Variants in RAB38 observed in about 807,000 individuals in gnomAD.
RAB38 encodes RAB38, member RAS oncogene family.
RAB38 carries 15 observed loss-of-function variants against 18.4 expected under a neutral mutation model. That is an observed-to-expected ratio of 0.82 (90% CI 0.55 to 1.26). The LOEUF (loss-of-function observed/expected upper bound fraction) is 1.26, where lower values mean the gene tolerates loss of function less well. Among genes scored for constraint, RAB38 ranks in the 50% most tolerant of loss-of-function variants. RAB38 has a pLI of 0.00. For synonymous variants in RAB38, 101 were observed against 104.4 expected, an observed-to-expected ratio of 0.97 and a Z score of 0.20; for missense variants, 294 against 267.4, an observed-to-expected ratio of 1.10 and a Z score of -0.69.
chr11:87,864,298 A>G, the RAB38 span, among the ~76,000 whole-genome samples: 2 of 150,548 alleles, frequency 1.3e-5, no homozygotes, highest in African/African-American at 4.9e-5. Flanking sequence ...ATACTATACT[A>G]TGCTGTACTA....
At chr11:87,947,214 C>T in the RAB38 span, among the ~76,000 whole-genome samples, 1 of 145,872 alleles carries the variant, frequency 6.9e-6, no homozygotes, top group Non-Finnish European at 1.5e-5. Context: ...TGTTCATATC[C>T]TTCACCCACT....
chr11:88,047,318 C>A, the RAB38 span, among the ~76,000 whole-genome samples: 15 of 152,172 alleles, frequency 9.9e-5, no homozygotes, highest in African/African-American at 3.6e-4. Context: ...CCTGACATTC[C>A]CTCCATATCC....
At chr11:87,847,730 T>C in the RAB38 span, among the ~76,000 whole-genome samples, 1 of 152,018 alleles carries the variant, frequency 6.6e-6, no homozygotes, top group Admixed American at 6.6e-5. Flanking sequence ...TTCTTTCTTG[T>C]TATGACGATC....
the RAB38 span, among the ~76,000 whole-genome samples, chr11:87,949,459 C>T: frequency 6.6e-6 from 1 of 152,092 alleles, no homozygotes; most frequent in Non-Finnish European, 1.5e-5. Flanking sequence ...TCTTGCTTTT[C>T]TAGTTCTTTT....
At chr11:87,890,940 G>A in the RAB38 span, among the ~76,000 whole-genome samples, 1 of 151,802 alleles carries the variant, frequency 6.6e-6, no homozygotes, top group African/African-American at 2.4e-5. Context: ...TGTCAAGATA[G>A]CAACAGCAGA....
At chr11:88,131,705 T>C (rs1224973661) in intron 2 of RAB38, among the ~76,000 whole-genome samples, 5 of 152,330 alleles carry the variant, frequency 3.3e-5, no homozygotes, top group Admixed American at 6.5e-5. Flanking sequence ...CAGAAACTAA[T>C]ATGACAGACA....
intron 2 of RAB38, among the ~76,000 whole-genome samples, chr11:88,123,692 T>C (rs1446243664): frequency 1.3e-5 from 2 of 152,214 alleles, no homozygotes; most frequent in Admixed American, 6.5e-5. Flanking sequence ...GTGCATTTAA[T>C]AACTAAATGT....
chr11:88,013,284 T>C, the RAB38 span, among the ~76,000 whole-genome samples: 1 of 152,302 alleles, frequency 6.6e-6, no homozygotes, highest in South Asian at 2.1e-4. Flanking sequence ...GTCTTGCTTA[T>C]CTGTCTAAAG....
the RAB38 span, among the ~76,000 whole-genome samples, chr11:87,897,835 C>T: frequency 6.6e-6 from 1 of 151,506 alleles, no homozygotes; most frequent in Non-Finnish European, 1.5e-5. Context: ...CAAAGACAGG[C>T]AAGTGGAATG....
chr11:87,968,552 CAGATACAGACAAT>C, the RAB38 span, among the ~76,000 whole-genome samples: 1 of 113,570 alleles, frequency 8.8e-6, no homozygotes, highest in Non-Finnish European at 2.2e-5. Context: ...TTCAAGTGTA[CAGATACAGACAAT>C]AATTCTATCA....
the RAB38 span, among the ~76,000 whole-genome samples, chr11:88,027,980 A>G: frequency 6.6e-6 from 1 of 152,216 alleles, no homozygotes; most frequent in African/African-American, 2.4e-5. Context: ...GGCACCCCCC[A>G]GCAGGGGCAG....
the RAB38 span, among the ~76,000 whole-genome samples, chr11:88,025,964 G>A: frequency 6.6e-6 from 1 of 151,838 alleles, no homozygotes; most frequent in African/African-American, 2.4e-5. Context: ...ACAGAATGGT[G>A]TTTCCTATGT....
chr11:88,162,618 T>A (rs975621606), intron 1 of RAB38, among the ~76,000 whole-genome samples: 2 of 150,104 alleles, frequency 1.3e-5, no homozygotes, highest in East Asian at 3.9e-4. Flanking sequence ...CAAAAAAAAA[T>A]TTAATCCCTA....
the RAB38 span, among the ~76,000 whole-genome samples, chr11:88,052,036 T>C: frequency 1.3e-5 from 2 of 152,258 alleles, no homozygotes; most frequent in East Asian, 1.9e-4. Flanking sequence ...AGCAGGAGAA[T>C]TGCTTGAACC....
chr11:88,037,910 A>T, the RAB38 span, among the ~76,000 whole-genome samples: 1 of 152,132 alleles, frequency 6.6e-6, no homozygotes, highest in African/African-American at 2.4e-5. Context: ...TATTAATGTA[A>T]GAATACTCAT....
chr11:88,113,800 G>A lies in RAB38; in HGVS notation c.*188C>T. Reference sequence around the variant, plus strand: ...ATATTTTCAAAAGTTTGTAAACACTGTGATGATGGTGAGGAAAGCATAGAA... The same window carrying A: ...ATATTTTCAAAAGTTTGTAAACACTATGATGATGGTGAGGAAAGCATAGAA... On this transcript the variant is annotated 3_prime_UTR_variant, in exon 3 of 3. Transcript: ENST00000243662. 1.4e-6 allele frequency: 1 copy of A among 697,536 alleles called. No individual in the cohort carries two copies. Among genetic ancestry groups the A allele is most frequent in the Non-Finnish European group, 2.3e-6 (1 of 430,504 alleles). 43.2% of individuals were successfully genotyped at this position (697,536 alleles called of 1,614,324 possible).
the RAB38 span, among the ~76,000 whole-genome samples, chr11:87,819,931 T>C: frequency 6.6e-6 from 1 of 151,988 alleles, no homozygotes; most frequent in African/African-American, 2.4e-5. Context: ...TGATAGATAC[T>C]GTGTTATGGG....
the RAB38 span, among the ~76,000 whole-genome samples, chr11:87,933,712 A>C: frequency 6.6e-6 from 1 of 152,036 alleles, no homozygotes; most frequent in African/African-American, 2.4e-5. Flanking sequence ...GGAGCCAAAA[A>C]AAAAAAAAAA....
the RAB38 span, among the ~76,000 whole-genome samples, chr11:88,019,511 T>C: frequency 2.0e-5 from 3 of 152,284 alleles, no homozygotes; most frequent in Middle Eastern, 3.4e-3. Context: ...TCCCAAGCAA[T>C]AAATGGAATC....
Sources: gnomAD v4.1 joint callset for allele counts (sites outside exome capture counted in the v4.1 genomes callset) on GRCh38, gnomAD v4.1.1 for gene constraint, MANE v1.5 for transcripts, NCBI Gene and HGNC (gene_info 2026-07-23, HGNC 2026-07-21) for gene names.